The following CRY2 variants were observed in gnomAD, a reference collection of about 807,000 sequenced individuals.
The protein encoded by CRY2 is cryptochrome circadian regulator 2.
Under a neutral mutation model 69.5 loss-of-function variants are expected in CRY2, and 31 were observed. The observed-to-expected ratio is 0.45, with a 90% confidence interval of 0.34 to 0.60. The LOEUF is 0.60. CRY2 is among the 20% of genes least tolerant of loss of function. The probability of loss-of-function intolerance (pLI) is 0.02; values close to 1 mark genes in which losing one functional copy is unlikely to be tolerated. For missense variants in CRY2, 606 were observed against 797.8 expected (o/e 0.76, Z 2.90); for synonymous variants, 303 against 312.2 (o/e 0.97, Z 0.31).
chr11:45,847,176 A>G, upstream of CRY2: 1 of 1,548,386 alleles, frequency 6.5e-7, no homozygotes. Flanking sequence ...CTGTCCCTTG[A>G]GACTTGGCCT....
In CRY2 at chr11:45,882,993, G is replaced by T; in HGVS notation, c.*2082G>T. The T allele has an allele frequency of 3.0e-6, 1 of 338,132 alleles. No homozygotes were observed. Among genetic ancestry groups the T allele is most frequent in the Non-Finnish European group, 5.3e-6 (1 of 187,976 alleles). 20.9% of individuals were successfully genotyped at this position (338,132 alleles called of 1,614,324 possible). On this transcript the variant is annotated 3_prime_UTR_variant, in exon 12 of 12. Transcript: ENST00000616080. ...GCACTCCTGGAGCCAAGAGGGAAGG[G>T]CAGGGTAGAGAGGGTATGTCCAGTA...
At chr11:45,853,597 A>G (rs2086214959) in intron 1 of CRY2, among the ~76,000 whole-genome samples, 2 of 151,992 alleles carry the variant, frequency 1.3e-5, no homozygotes, top group Non-Finnish European at 2.9e-5. Flanking sequence ...GAAGGAAAAG[A>G]CCCCCAAAGC....
At chr11:45,873,277 C>T (rs540065446) in intron 11 of CRY2, among the ~76,000 whole-genome samples, 8 of 152,262 alleles carry the variant, frequency 5.3e-5, no homozygotes, top group African/African-American at 1.9e-4. Flanking sequence ...TATCAGATCC[C>T]TCTTACTTCA....
chr11:45,850,899 G>A (rs995825792), intron 1 of CRY2, among the ~76,000 whole-genome samples: 5 of 152,160 alleles, frequency 3.3e-5, no homozygotes, highest in African/African-American at 1.2e-4. Context: ...ATGGCACTAA[G>A]AGTAAAAACG....
intron 11 of CRY2, among the ~76,000 whole-genome samples, chr11:45,874,494 G>A (rs949191416): frequency 1.2e-4 from 18 of 152,210 alleles, no homozygotes; most frequent in African/African-American, 3.6e-4. Flanking sequence ...AGCAAGGGCA[G>A]CTGCACTCCT....
At chr11:45,850,785 AG>A in intron 1 of CRY2, among the ~76,000 whole-genome samples, 2 of 152,292 alleles carry the variant, frequency 1.3e-5, no homozygotes, top group Non-Finnish European at 2.9e-5. Flanking sequence ...ATCTGCAAGG[AG>A]GGGAGGACCC....
intron 11 of CRY2, among the ~76,000 whole-genome samples, chr11:45,873,885 A>G (rs2086405762): frequency 6.6e-6 from 1 of 152,258 alleles, no homozygotes; most frequent in Non-Finnish European, 1.5e-5. Context: ...CGCTTAGGAC[A>G]AGAAAAACAG....
intron 10 of CRY2, 40 bp downstream of exon 10, chr11:45,870,974 C>G: frequency 6.5e-7 from 1 of 1,534,062 alleles, no homozygotes; most frequent in Non-Finnish European, 8.9e-7. Flanking sequence ...CTCCTGTGGC[C>G]TGTGCCACCA....
intron 2 of CRY2, among the ~76,000 whole-genome samples, chr11:45,856,566 G>C (rs1322740747): frequency 6.6e-6 from 1 of 152,230 alleles, no homozygotes; most frequent in African/African-American, 2.4e-5. Context: ...GGAGGCCGAG[G>C]CAGGCGGATC....
At position 45,867,638 on chromosome 11, in the gene CRY2, C is replaced by A; in HGVS notation, c.768C>A (p.Pro256=). 1 of 1,614,198 alleles carries A rather than the reference C, an allele frequency of 6.2e-7. No individual in the cohort carries two copies. The highest frequency in any genetic ancestry group is 1.1e-5 in the South Asian group (1 of 91,088). The part of the protein sequence containing the change: ...RKAWVANYER[P]RMNANSLLAS... Reference sequence around the variant, plus strand: ...CCTGGGTTGCCAACTATGAGAGACCCCGAATGAACGCCAACTCCCTCCTGG... The same window carrying A: ...CCTGGGTTGCCAACTATGAGAGACCACGAATGAACGCCAACTCCCTCCTGG... The change falls in exon 6 of 12, where the codon CCC becomes CCA. Residue 256 remains proline, a synonymous_variant. Transcript: ENST00000616080.
intron 11 of CRY2, among the ~76,000 whole-genome samples, chr11:45,873,173 C>T (rs1034320300): frequency 2.0e-5 from 3 of 152,204 alleles, no homozygotes; most frequent in Non-Finnish European, 4.4e-5. Context: ...TTCCTGTCCC[C>T]TCTGAGTCAT....
intron 5 of CRY2, 79 bp downstream of exon 5, chr11:45,862,227 T>G: frequency 7.6e-7 from 1 of 1,316,026 alleles, no homozygotes; most frequent in Non-Finnish European, 1.1e-6. Flanking sequence ...TCCATGTCCT[T>G]TAGTCCCTCT....
At chr11:45,868,574 C>G (rs2086350193) in intron 6 of CRY2, among the ~76,000 whole-genome samples, 1 of 152,118 alleles carries the variant, frequency 6.6e-6, no homozygotes, top group Non-Finnish European at 1.5e-5. Context: ...CTGCCTTGGC[C>G]TCCCACAGTG....
chr11:45,847,689 G>A lies in CRY2; in HGVS notation c.199G>A (p.Gly67Arg). ...DPWFAASSSV[G>R]INRWRFLLQS... ...GTGGTTCGCGGCCTCCTCCTCAGTC[G>A]GGATCAACCGATGGAGGTGAGGGGA... Residue 67 changes from glycine to arginine, a missense_variant, in exon 1 of 12, where the codon GGG becomes AGG. By Grantham distance (125) the Gly-to-Arg change is moderately radical. This residue lies in a region of CRY2 where 382 missense variants were observed against 508.9 expected (regional missense o/e 0.75). Transcript: ENST00000616080. 6.3e-7 allele frequency: 1 copy of A among 1,575,012 alleles called. No homozygotes were observed.
At chr11:45,858,385 A>C (rs2086259933) in intron 2 of CRY2, 1 of 215,136 alleles carries the variant, frequency 4.6e-6, no homozygotes, top group Non-Finnish European at 9.3e-6. Context: ...CCCACCTGTG[A>C]GTCAGTGCCA....
At chr11:45,867,530 A>G in intron 5 of CRY2, 82 bp from the exon 6 acceptor site, 1 of 1,570,628 alleles carries the variant, frequency 6.4e-7, no homozygotes, top group Non-Finnish European at 8.7e-7. Context: ...CCGTAGGCAG[A>G]TTCCTTAACC....
intron 2 of CRY2, 128 bp from the exon 3 acceptor site, chr11:45,858,603 A>G (rs1314453260): frequency 1.5e-5 from 15 of 1,026,390 alleles, no homozygotes; most frequent in Non-Finnish European, 1.6e-5. Context: ...CCCTGTTCCT[A>G]GTTTTTTCTG....
intron 1 of CRY2, among the ~76,000 whole-genome samples, chr11:45,855,041 T>C (rs902781080): frequency 3.9e-5 from 6 of 152,220 alleles, no homozygotes; most frequent in Non-Finnish European, 7.3e-5. Flanking sequence ...CTGGTTATAA[T>C]GTTAATTTAA....
At position 45,847,688 on chromosome 11, in the gene CRY2, C is replaced by A. The variant is rs1170259009; in HGVS notation, c.198C>A (p.Val66=). 3.8e-6 allele frequency: 6 copies of A among 1,574,716 alleles called. No individual in the cohort carries two copies. The highest frequency in any genetic ancestry group is 5.2e-6 in the Non-Finnish European group (6 of 1,160,704). Reference sequence around the variant, plus strand: ...CGTGGTTCGCGGCCTCCTCCTCAGTCGGGATCAACCGATGGAGGTGAGGGG... The same window carrying A: ...CGTGGTTCGCGGCCTCCTCCTCAGTAGGGATCAACCGATGGAGGTGAGGGG... ...LDPWFAASSS[V]GINRWRFLLQ... Residue 66 remains valine (V), a synonymous_variant, in exon 1 of 12, where the codon GTC becomes GTA. Coordinates refer to ENST00000616080, the MANE Select transcript of CRY2 (RefSeq NM_021117.5).
Sources: allele counts gnomAD v4.1 joint callset (sites outside exome capture counted in the v4.1 genomes callset), GRCh38; gene constraint gnomAD v4.1.1; regional missense constraint gnomAD v4.1.1; transcripts MANE v1.5; gene names NCBI Gene and HGNC (gene_info 2026-07-23, HGNC 2026-07-21).